Variants in CWC27 observed in about 807,000 individuals in gnomAD.
CWC27 encodes the protein CWC27 spliceosome associated cyclophilin, also known as spliceosome-associated protein CWC27 homolog.
In CWC27, 47 loss-of-function variants were observed where a neutral mutation model predicts 63.6. The ratio of observed to expected loss-of-function variants is 0.74; its 90% CI spans 0.58 to 0.94. CWC27 has a LOEUF of 0.94. CWC27 is among the 40% of genes least tolerant of loss of function. The pLI is 0.00. For synonymous variants in CWC27, 175 were observed against 179.8 expected, an observed-to-expected ratio of 0.97 and a Z score of 0.22; for missense variants, 495 against 554.3, an observed-to-expected ratio of 0.89 and a Z score of 1.07.
chr5:65,007,773 G>A (rs924544503), intron 13 of CWC27, among the ~76,000 whole-genome samples: 3 of 151,974 alleles, frequency 2.0e-5, no homozygotes, highest in African/African-American at 2.4e-5. Flanking sequence ...GACTACAGGC[G>A]CCAGCCACCA....
chr5:64,866,127 A>T (rs780575518), intron 10 of CWC27, among the ~76,000 whole-genome samples: 1 of 152,094 alleles, frequency 6.6e-6, no homozygotes, highest in East Asian at 1.9e-4. Flanking sequence ...TTTCATATCT[A>T]TAAAGCAGAT....
At chr5:64,986,481 G>T (rs1034776488) in intron 13 of CWC27, among the ~76,000 whole-genome samples, 1 of 152,070 alleles carries the variant, frequency 6.6e-6, no homozygotes, top group Non-Finnish European at 1.5e-5. Flanking sequence ...GAAAGATATT[G>T]GTTTGTGGTT....
At chr5:65,004,837 G>A (rs1749798573) in intron 13 of CWC27, among the ~76,000 whole-genome samples, 1 of 126,748 alleles carries the variant, frequency 7.9e-6, no homozygotes, top group Admixed American at 8.8e-5. Context: ...TTTATGGATT[G>A]GCCTTCAGAG....
intron 10 of CWC27, among the ~76,000 whole-genome samples, chr5:64,811,732 C>T (rs1363505814): frequency 6.6e-6 from 1 of 151,892 alleles, no homozygotes; most frequent in Non-Finnish European, 1.5e-5. Context: ...CTCAGGAGTT[C>T]TGTTAGGTTG....
intron 10 of CWC27, among the ~76,000 whole-genome samples, chr5:64,842,429 G>A (rs1039100611): frequency 3.8e-4 from 58 of 150,660 alleles, no homozygotes; most frequent in Admixed American, 3.7e-3. Flanking sequence ...TCAGCCTCCT[G>A]AGTAGCTGAG....
At chr5:64,998,925 T>C (rs1003828124) in intron 13 of CWC27, among the ~76,000 whole-genome samples, 1 of 151,958 alleles carries the variant, frequency 6.6e-6, no homozygotes, top group Non-Finnish European at 1.5e-5. Flanking sequence ...CCTTTAACTA[T>C]TTCTGTTTCC....
At chr5:64,946,908 A>C (rs1053121064) in intron 11 of CWC27, among the ~76,000 whole-genome samples, 1 of 152,060 alleles carries the variant, frequency 6.6e-6, no homozygotes, top group Non-Finnish European at 1.5e-5. Flanking sequence ...AAAAGAGCCA[A>C]ACAGCATCTT....
intron 10 of CWC27, among the ~76,000 whole-genome samples, chr5:64,826,727 A>G (rs1416556805): frequency 6.7e-6 from 1 of 150,304 alleles, no homozygotes; most frequent in Non-Finnish European, 1.5e-5. Context: ...CTAATATCAC[A>G]ATGTAATACA....
intron 11 of CWC27, among the ~76,000 whole-genome samples, chr5:64,955,892 G>GA (rs1177976314): frequency 1.3e-5 from 2 of 151,668 alleles, no homozygotes; most frequent in Non-Finnish European, 2.9e-5. Context: ...AAATTATTAG[G>GA]AAAAAAAATC....
chr5:64,882,207 C>G (rs1016274435), intron 10 of CWC27, among the ~76,000 whole-genome samples: 1 of 152,126 alleles, frequency 6.6e-6, no homozygotes, highest in Non-Finnish European at 1.5e-5. Flanking sequence ...TACTTCAACA[C>G]TGATTCAATG....
At chr5:64,903,064 T>A (rs1747543408) in intron 11 of CWC27, among the ~76,000 whole-genome samples, 1 of 152,254 alleles carries the variant, frequency 6.6e-6, no homozygotes, top group Non-Finnish European at 1.5e-5. Context: ...GGAACACTTT[T>A]ACACTGTTGG....
At chr5:64,940,071 A>T (rs1748442685) in intron 11 of CWC27, among the ~76,000 whole-genome samples, 1 of 152,142 alleles carries the variant, frequency 6.6e-6, no homozygotes, top group African/African-American at 2.4e-5. Context: ...GGTGGGATCC[A>T]CTGAGCTAGA....
At chr5:64,858,686 A>C (rs768356652) in intron 10 of CWC27, among the ~76,000 whole-genome samples, 1 of 152,076 alleles carries the variant, frequency 6.6e-6, no homozygotes, top group Non-Finnish European at 1.5e-5. Context: ...AGGGCAATAC[A>C]AATTAAACCA....
chr5:64,975,310 A>G (rs1749208127), intron 12 of CWC27, among the ~76,000 whole-genome samples: 1 of 152,208 alleles, frequency 6.6e-6, no homozygotes, highest in East Asian at 1.9e-4. Context: ...CTCTAGATAA[A>G]TTCTGGAGCT....
At chr5:64,811,735 T>G (rs1462437328) in intron 10 of CWC27, among the ~76,000 whole-genome samples, 1 of 152,054 alleles carries the variant, frequency 6.6e-6, no homozygotes, top group Non-Finnish European at 1.5e-5. Context: ...AGGAGTTCTG[T>G]TAGGTTGACT....
At chr5:64,830,003 T>C (rs964559045) in intron 10 of CWC27, among the ~76,000 whole-genome samples, 48 of 147,016 alleles carry the variant, frequency 3.3e-4, no homozygotes, top group Non-Finnish European at 3.8e-4. Context: ...GCTATGCCAT[T>C]TTTTTTTCTT....
intron 11 of CWC27, among the ~76,000 whole-genome samples, chr5:64,898,356 A>G (rs897175107): frequency 2.6e-5 from 4 of 152,206 alleles, no homozygotes; most frequent in Non-Finnish European, 4.4e-5. Flanking sequence ...AATTAGCCCA[A>G]TGAAGTAGAA....
chr5:64,945,767 A>G (rs958301177), intron 11 of CWC27, among the ~76,000 whole-genome samples: 2 of 152,278 alleles, frequency 1.3e-5, no homozygotes, highest in East Asian at 1.9e-4. Context: ...GAAGTATGAT[A>G]TTTTGTAGAA....
chr5:64,922,907 C>T (rs971412547), intron 11 of CWC27, among the ~76,000 whole-genome samples: 6 of 152,326 alleles, frequency 3.9e-5, no homozygotes, highest in African/African-American at 1.4e-4. Context: ...CTTCACACTC[C>T]TGGGCTGCGT....
Sources: allele counts gnomAD v4.1 joint callset (sites outside exome capture counted in the v4.1 genomes callset), GRCh38; gene constraint gnomAD v4.1.1; transcripts MANE v1.5; gene names NCBI Gene and HGNC (gene_info 2026-07-23, HGNC 2026-07-21).